MAZ: variants seen among roughly 807,000 people sequenced by gnomAD.
MAZ encodes myc-associated zinc finger protein.
In MAZ, 4 loss-of-function variants were observed where a neutral mutation model predicts 32.7. That is an observed-to-expected ratio of 0.12 (90% CI 0.06 to 0.28). The LOEUF is 0.28. Ranked by LOEUF, MAZ falls within the 10% of genes least tolerant of loss-of-function variation. The probability of loss-of-function intolerance (pLI) is 1.00; values close to 1 mark genes in which losing one functional copy is unlikely to be tolerated. For missense variants in MAZ, 763 were observed against 667.2 expected, an observed-to-expected ratio of 1.14 and a Z score of -1.58; for synonymous variants, 510 against 297.6, an observed-to-expected ratio of 1.71 and a Z score of -7.35.
At chr16:29,808,473 C>T (rs969596629) in intron 3 of MAZ, 97 bp from the exon 4 acceptor site, 14 of 1,027,908 alleles carry the variant, frequency 1.4e-5, no homozygotes, top group East Asian at 1.3e-4. Flanking sequence ...CAAAGATCCC[C>T]AAGGCTCTGA....
chr16:29,809,175 C>T (rs544101797), intron 4 of MAZ: 4 of 489,068 alleles, frequency 8.2e-6, no homozygotes, highest in Non-Finnish European at 1.4e-5. Flanking sequence ...TCAGACTCAC[C>T]GGTTAACTGG....
At position 29,807,223 on chromosome 16, in the gene MAZ, G is replaced by C. The variant is rs1047596096; in HGVS notation, c.438G>C (p.Glu146Asp). Residue 146 changes from glutamate (E) to aspartate (D), a missense_variant, in exon 2 of 5, where the codon GAG (glutamate) becomes GAC (aspartate). Transcript: ENST00000322945. ...CGCCAGTGTCGGCGCCCGCGGCCGA[G>C]GCCGCGCCCCCCGCCTCCGCCGCCA... ...PPPPVSAPAA[E>D]AAPPASAATI... 8.6e-5 allele frequency: 112 copies of C among 1,300,242 alleles called. No homozygotes were observed. The highest frequency in any genetic ancestry group is 1.0e-4 in the Non-Finnish European group (105 of 1,023,626). The allele number at this position is 1,300,242 out of a possible 1,614,324, so 80.5% of individuals were successfully genotyped here.
At chr16:29,808,768 C>A in intron 4 of MAZ, 27 bp downstream of exon 4, 1 of 1,609,050 alleles carries the variant, frequency 6.2e-7, no homozygotes, top group Non-Finnish European at 8.5e-7. Context: ...GCCGGGAGGG[C>A]CAGGGGCAGA....
chr16:29,807,924 T>TGGCGGG, intron 2 of MAZ, 96 bp downstream of exon 2: 1 of 1,524,942 alleles, frequency 6.6e-7, no homozygotes, highest in East Asian at 2.3e-5. Context: ...AGGCGGCTGC[T>TGGCGGG]GAGGCTGGGG....
rs764656695 is a variant in MAZ, at chr16:29,807,448, C to G, written c.663C>G (p.Pro221=). Residue 221 remains proline, a synonymous_variant, in exon 2 of 5, where the codon CCC becomes CCG. Coordinates refer to ENST00000322945, the MANE Select transcript of MAZ (RefSeq NM_002383.4). ...IHTGAKAGRV[P]SGAMKMPTMV... Reference sequence around the variant, plus strand: ...CGGGAGCCAAGGCCGGCCGGGTCCCCTCGGGTGCTATGAAGATGCCGACCA... The same window carrying G: ...CGGGAGCCAAGGCCGGCCGGGTCCCGTCGGGTGCTATGAAGATGCCGACCA... 4 of 1,612,350 alleles carry G rather than the reference C, an allele frequency of 2.5e-6. No individual in the cohort carries two copies. Among genetic ancestry groups the G allele is most frequent in the South Asian group, 2.2e-5 (2 of 91,082 alleles).
At chr16:29,809,939 A>G in intron 4 of MAZ, 138 bp from the exon 5 acceptor site, 2 of 1,395,340 alleles carry the variant, frequency 1.4e-6, no homozygotes, top group Non-Finnish European at 2.0e-6. Flanking sequence ...GTGAGGATGC[A>G]GGCTGAGGCC....
intron 4 of MAZ, chr16:29,809,683 C>G: frequency 6.5e-7 from 1 of 1,539,912 alleles, no homozygotes; most frequent in Non-Finnish European, 8.7e-7. Context: ...GCAGACCCAT[C>G]TGGGGGGGGC....
Position 29,810,806 on chromosome 16 carries a change from G to A in MAZ, c.*575G>A, listed in dbSNP as rs1453245375. ...TTCATAAGGTGGTATGGGGGGTTGG[G>A]GTCAGGCCCTGAACATCGTCCTACT... On this transcript the variant is annotated 3_prime_UTR_variant, in exon 5 of 5. Transcript: ENST00000322945. The A allele has an allele frequency of 1.1e-5, 4 of 349,858 alleles. No individual in the cohort carries two copies. Among genetic ancestry groups the A allele is most frequent in the Non-Finnish European group, 2.2e-5 (4 of 180,162 alleles). 21.7% of individuals were successfully genotyped at this position (349,858 alleles called of 1,614,324 possible).
chr16:29,810,346 A>G lies in MAZ; in HGVS notation c.*115A>G. 2 of 1,076,126 alleles carry G rather than the reference A, an allele frequency of 1.9e-6. No homozygotes were observed. The allele number at this position is 1,076,126 out of a possible 1,614,324, so 66.7% of individuals were successfully genotyped here. ...TTTCCCTACCAACCAAGGAGCCTCC[A>G]GAAGGAAAGGAGGAAGAAATGTTTT... On this transcript the variant is annotated 3_prime_UTR_variant, in exon 5 of 5. Transcript: ENST00000322945.
At chr16:29,807,901 C>T (rs774364455) in intron 2 of MAZ, 73 bp downstream of exon 2, 1 of 1,559,546 alleles carries the variant, frequency 6.4e-7, no homozygotes, top group Non-Finnish European at 8.6e-7. Flanking sequence ...CTGGCCGTGG[C>T]TGGCGGGGAG....
chr16:29,807,075 C>T lies in MAZ; in HGVS notation c.290C>T (p.Ala97Val), dbSNP rs1899530720. 9.8e-7 allele frequency: 1 copy of T among 1,019,170 alleles called. No individual in the cohort carries two copies. The highest frequency in any genetic ancestry group is 1.2e-6 in the Non-Finnish European group (1 of 854,500). 63.1% of individuals were successfully genotyped at this position (1,019,170 alleles called of 1,614,324 possible). Residue 97 changes from alanine to valine, a missense_variant, in exon 2 of 5, where the codon GCG becomes GTG. Ala to Val is a moderately conservative substitution (Grantham distance 64). Coordinates refer to ENST00000322945, the MANE Select transcript of MAZ (RefSeq NM_002383.4). ...PVLAAAQESA[A>V]AAAAAAAAAA... Reference sequence around the variant, plus strand: ...CTCGCCGCCGCCCAGGAGTCCGCCGCGGCTGCTGCGGCCGCTGCCGCCGCT... The same window carrying T: ...CTCGCCGCCGCCCAGGAGTCCGCCGTGGCTGCTGCGGCCGCTGCCGCCGCT...
intron 3 of MAZ, 123 bp from the exon 4 acceptor site, chr16:29,808,447 C>G (rs1899684067): frequency 3.0e-6 from 3 of 986,580 alleles, no homozygotes; most frequent in East Asian, 2.6e-5. Context: ...TCATGTCACT[C>G]CCATTTCCTA....
chr16:29,806,778 G>T lies in MAZ; in HGVS notation c.77G>T (p.Gly26Val). The change falls in exon 1 of 5, where the codon GGC becomes GTC. Residue 26 changes from glycine (G) to valine (V), a missense_variant. Gly to Val is a moderately radical substitution (Grantham distance 109, BLOSUM62 -3). Coordinates refer to ENST00000322945, the MANE Select transcript of MAZ (RefSeq NM_002383.4). The part of the protein sequence containing the change: ...VLGLDSRGVG[G>V]LMNSFPPPQG... ...GGCCTGGACTCCCGGGGGGTGGGCG[G>T]CCTCATGAACTCCTTCCCGCCACCT... 7.0e-7 allele frequency: 1 copy of T among 1,433,342 alleles called. No homozygotes were observed. The highest frequency in any genetic ancestry group is 9.2e-7 in the Non-Finnish European group (1 of 1,085,812). 88.8% of individuals were successfully genotyped at this position (1,433,342 alleles called of 1,614,324 possible). A position where few individuals can be genotyped will look rare whatever the true frequency, so the allele number is the denominator to read the frequency against.
intron 4 of MAZ, 129 bp from the exon 5 acceptor site, chr16:29,809,948 C>G: frequency 7.0e-7 from 1 of 1,435,706 alleles, no homozygotes; most frequent in Non-Finnish European, 9.4e-7. Context: ...CAGGCTGAGG[C>G]CTCTGGGGTC....
rs767039661 is a variant in MAZ, at chr16:29,807,300, C to T, written c.515C>T (p.Ala172Val). The part of the protein sequence containing the change: ...TAVVAPTSTV[A>V]VAPVASALEK... Reference sequence around the variant, plus strand: ...GTCGTAGCCCCAACCTCGACGGTCGCCGTGGCCCCGGTCGCGTCTGCCTTG... The same window carrying T: ...GTCGTAGCCCCAACCTCGACGGTCGTCGTGGCCCCGGTCGCGTCTGCCTTG... Residue 172 changes from alanine to valine, a missense_variant, in exon 2 of 5, where the codon GCC (alanine) becomes GTC (valine). Transcript: ENST00000322945. 3.8e-6 allele frequency: 6 copies of T among 1,573,694 alleles called. No individual in the cohort carries two copies. The South Asian group carries it at 5.8e-5, about 15-fold the overall frequency.
At position 29,807,523 on chromosome 16, in the gene MAZ, G is replaced by C; in HGVS notation, c.738G>C (p.Gly246=). Residue 246 remains glycine (G), a synonymous_variant, in exon 2 of 5, where the codon GGG becomes GGC. Transcript: ENST00000322945. ...LSVPQLSGAG[G]GGGEAGAGGG... ...TGCCCCAGCTGAGCGGAGCCGGCGGGGGAGGGGGAGAGGCGGGTGCCGGCG... is the reference window on the plus strand; with the variant it reads ...TGCCCCAGCTGAGCGGAGCCGGCGGCGGAGGGGGAGAGGCGGGTGCCGGCG... 1 of 1,609,582 alleles carries C rather than the reference G, an allele frequency of 6.2e-7. No individual in the cohort carries two copies. Among genetic ancestry groups the C allele is most frequent in the Non-Finnish European group, 8.5e-7 (1 of 1,178,146 alleles).
At position 29,810,763 on chromosome 16, in the gene MAZ, G is replaced by T; in HGVS notation, c.*532G>T. 2.7e-6 allele frequency: 1 copy of T among 371,546 alleles called. No homozygotes were observed. Among genetic ancestry groups the T allele is most frequent in the South Asian group, 2.3e-5 (1 of 43,834 alleles). 23.0% of individuals were successfully genotyped at this position (371,546 alleles called of 1,614,324 possible). ...AGGTTTGAGGAGGGGCAGAAGCAGG[G>T]CCGGCAAAGGTTGTACCTTCATAAG... On this transcript the variant is annotated 3_prime_UTR_variant, in exon 5 of 5. Coordinates refer to ENST00000322945, the MANE Select transcript of MAZ (RefSeq NM_002383.4).
chr16:29,807,097 CG>C lies in MAZ; in HGVS notation c.313del (p.Ala105LeufsTer23). 1 of 995,536 alleles carries C rather than the reference CG, an allele frequency of 1.0e-6. No homozygotes were observed. The highest frequency in any genetic ancestry group is 1.2e-6 in the Non-Finnish European group (1 of 829,126). 61.7% of individuals were successfully genotyped at this position (995,536 alleles called of 1,614,324 possible). On this transcript the variant is annotated frameshift_variant, in exon 2 of 5. Transcript: ENST00000322945. LOFTEE classifies it high-confidence loss of function. ...CCGCGGCTGCTGCGGCCGCTGCCGC[CG>C]CTGCTGCCGCCGTCGCTGCCGCGCC... ...SAAAAAAAAA[A>X]AAAVAAAPPA...
At position 29,810,177 on chromosome 16, in the gene MAZ, G is replaced by C. The variant is rs11559001; in HGVS notation, c.1380G>C (p.Ser460=). Residue 460 remains serine, a synonymous_variant, in exon 5 of 5, where the codon TCG becomes TCC. Coordinates refer to ENST00000322945, the MANE Select transcript of MAZ (RefSeq NM_002383.4). ...CTCCCACAGCTGTGGGCTCCCTCTC[G>C]GGGGCGGAGGGGGTGCCTGTGAGCT... ...AAPPTAVGSL[S]GAEGVPVSSQ... 1.2e-5 allele frequency: 19 copies of C among 1,607,820 alleles called. No individual in the cohort carries two copies. The highest frequency in any genetic ancestry group is 1.1e-4 in the South Asian group (10 of 90,694).
Sources: allele counts gnomAD v4.1 joint callset, GRCh38; gene constraint gnomAD v4.1.1; transcripts MANE v1.5; gene names NCBI Gene and HGNC (gene_info 2026-07-23, HGNC 2026-07-21).